VEPH1: variants seen among roughly 807,000 people sequenced by gnomAD.
VEPH1 encodes the protein ventricular zone expressed PH domain containing 1.
A neutral mutation model predicts 85.2 loss-of-function variants in VEPH1; 80 were observed. That is an observed-to-expected ratio of 0.94 (90% confidence interval 0.78 to 1.13). VEPH1 has a LOEUF of 1.13. VEPH1 is among the 50% of genes most tolerant of loss of function. The pLI is 0.00. For synonymous variants in VEPH1, 297 were observed against 348.0 expected, an observed-to-expected ratio of 0.85 and a Z score of 1.63; for missense variants, 955 against 980.5, an observed-to-expected ratio of 0.97 and a Z score of 0.35.
chr3:157,286,449 CA>C, intron 12 of VEPH1, 107 bp downstream of exon 12: 1 of 840,690 alleles, frequency 1.2e-6, no homozygotes, highest in African/African-American at 1.7e-5. Flanking sequence ...TGCATTATTA[CA>C]ACTGGGGATG....
chr3:157,438,021 G>C (rs1016683883), intron 4 of VEPH1: 2 of 651,344 alleles, frequency 3.1e-6, no homozygotes, highest in African/African-American at 5.6e-5. Flanking sequence ...TTCATGGGAA[G>C]CGCGCGCGCG....
At chr3:157,286,812 A>G (rs6793166) in intron 11 of VEPH1, 138 bp from the exon 12 acceptor site, 154,627 of 692,996 alleles carry the variant, frequency 0.22, 19,163 homozygotes, top group Non-Finnish European at 0.26. Context: ...CAGCATTGAA[A>G]AAATTTCTCT....
intron 9 of VEPH1, among the ~76,000 whole-genome samples, chr3:157,318,325 A>T (rs1378423688): frequency 6.6e-6 from 1 of 152,200 alleles, no homozygotes; most frequent in Non-Finnish European, 1.5e-5. Context: ...AAATTAATAG[A>T]GGCCAGGCAT....
At chr3:157,288,601 A>T (rs1016877098) in intron 11 of VEPH1, among the ~76,000 whole-genome samples, 3 of 152,220 alleles carry the variant, frequency 2.0e-5, no homozygotes, top group African/African-American at 7.2e-5. Context: ...AACGAACTAT[A>T]TAAAAGATAG....
At position 157,489,350 on chromosome 3, in the gene VEPH1, C is replaced by T. The variant is rs112763428; in HGVS notation, c.138+5862G>A. On this transcript the variant is annotated intron_variant, in intron 2 of 13. Coordinates refer to ENST00000362010, the MANE Select transcript of VEPH1 (RefSeq NM_001167912.2). Reference sequence around the variant, plus strand: ...AGCCTACAACCTCAGGACTTTTGTACTTAATGGTCCTTCTGCCTGAAATGA... The same window carrying T: ...AGCCTACAACCTCAGGACTTTTGTATTTAATGGTCCTTCTGCCTGAAATGA... 1,829 of 355,898 alleles carry T rather than the reference C, an allele frequency of 5.1e-3. 33 individuals carry two copies. The highest frequency in any genetic ancestry group is 0.035 in the African/African-American group (1,631 of 46,972). 22.0% of individuals were successfully genotyped at this position (355,898 alleles called of 1,614,324 possible). A position where few individuals can be genotyped will look rare whatever the true frequency, so the allele number is the denominator to read the frequency against.
intron 3 of VEPH1, among the ~76,000 whole-genome samples, chr3:157,466,085 A>G (rs1166075663): frequency 6.6e-6 from 1 of 152,206 alleles, no homozygotes; most frequent in African/African-American, 2.4e-5. Flanking sequence ...AGCTATGTCA[A>G]TAATTATAAT....
chr3:157,442,964 T>A, intron 4 of VEPH1: 1 of 1,598,030 alleles, frequency 6.3e-7, no homozygotes, highest in Non-Finnish European at 8.5e-7. Context: ...ATGGAGGAGC[T>A]CAGTATGTTT....
At chr3:157,385,765 G>C (rs1185489288) in intron 6 of VEPH1, among the ~76,000 whole-genome samples, 1 of 152,138 alleles carries the variant, frequency 6.6e-6, no homozygotes, top group Non-Finnish European at 1.5e-5. Flanking sequence ...TCAACAAGTA[G>C]TTTCTCAAAG....
At chr3:157,284,818 G>A (rs1046920652) in intron 12 of VEPH1, among the ~76,000 whole-genome samples, 1 of 152,134 alleles carries the variant, frequency 6.6e-6, no homozygotes, top group African/African-American at 2.4e-5. Flanking sequence ...AAAATATTTG[G>A]CCTTGTTTGA....
intron 4 of VEPH1, among the ~76,000 whole-genome samples, chr3:157,450,957 A>G (rs1734924757): frequency 6.6e-6 from 1 of 152,188 alleles, no homozygotes; most frequent in South Asian, 2.1e-4. Flanking sequence ...AAGCACTGCT[A>G]GAGTCATTTT....
At chr3:157,297,188 C>G (rs1156661802) in intron 11 of VEPH1, among the ~76,000 whole-genome samples, 1 of 152,106 alleles carries the variant, frequency 6.6e-6, no homozygotes, top group Non-Finnish European at 1.5e-5. Context: ...TTTTTTGTCT[C>G]TCAGCTAGAT....
chr3:157,369,192 A>AAAAAAAC (rs1727171339), intron 7 of VEPH1, among the ~76,000 whole-genome samples: 4 of 142,702 alleles, frequency 2.8e-5, no homozygotes, highest in Non-Finnish European at 6.2e-5. Flanking sequence ...AAAAAAAAAA[A>AAAAAAAC]AAAAAAAAAA....
At chr3:157,300,072 A>T (rs1302066251) in intron 11 of VEPH1, among the ~76,000 whole-genome samples, 1 of 152,148 alleles carries the variant, frequency 6.6e-6, no homozygotes, top group Non-Finnish European at 1.5e-5. Flanking sequence ...TCAAACCCAG[A>T]TCCTGAGTTT....
chr3:157,348,932 AATTAATAC>A (rs1356796643), intron 9 of VEPH1, among the ~76,000 whole-genome samples: 1 of 152,216 alleles, frequency 6.6e-6, no homozygotes, highest in Non-Finnish European at 1.5e-5. Flanking sequence ...TTTAAAGAAG[AATTAATAC>A]CAATTTTTCT....
At position 157,384,811 on chromosome 3, in the gene VEPH1, G is replaced by A. The variant is rs114719999; in HGVS notation, c.907-3435C>T. Among the ~76,000 whole-genome samples the A allele has an allele frequency of 6.7e-3, 1,018 of 152,260 alleles. 13 individuals are homozygous for A. The highest frequency in any genetic ancestry group is 0.023 in the African/African-American group (951 of 41,546). On this transcript the variant is annotated intron_variant, in intron 6 of 13. Transcript: ENST00000362010. ...AAAGTGTAATATTAGGGCAGGAAGG[G>A]GGTTAGGAGATTCTGATTTCCTTCT...
chr3:157,399,457 A>T (rs1306666488), intron 6 of VEPH1, among the ~76,000 whole-genome samples: 1 of 152,102 alleles, frequency 6.6e-6, no homozygotes, highest in Non-Finnish European at 1.5e-5. Flanking sequence ...TATCTATATC[A>T]TTTTCTATTT....
At chr3:157,421,923 CCA>C (rs1049739733) in intron 5 of VEPH1, among the ~76,000 whole-genome samples, 1 of 152,174 alleles carries the variant, frequency 6.6e-6, no homozygotes, top group African/African-American at 2.4e-5. Context: ...GTTCTGGGAT[CCA>C]CACTCAGCAC....
In VEPH1 at chr3:157,446,605, C is replaced by A. The variant is rs138122940; in HGVS notation, c.529+13576G>T. Among the ~76,000 whole-genome samples, 60 of 152,298 alleles carry A rather than the reference C, an allele frequency of 3.9e-4. No individual in the cohort carries two copies. In the East Asian group the frequency reaches 7.3e-3, roughly 19 times the overall value. ...AATTGATTTTTATTTCATTTCCTGT[C>A]AAATCTTAGATTAGAAATCTCTTCC... On this transcript the variant is annotated intron_variant, in intron 4 of 13. Transcript: ENST00000362010.
At chr3:157,306,893 G>A (rs1049671498) in intron 11 of VEPH1, among the ~76,000 whole-genome samples, 1 of 151,802 alleles carries the variant, frequency 6.6e-6, no homozygotes, top group African/African-American at 2.4e-5. Flanking sequence ...CACTCTGTAC[G>A]CCTTTACATA....
Sources: gnomAD v4.1 joint callset for allele counts (sites outside exome capture counted in the v4.1 genomes callset) on GRCh38, gnomAD v4.1.1 for gene constraint, MANE v1.5 for transcripts, NCBI Gene and HGNC (gene_info 2026-07-23, HGNC 2026-07-21) for gene names.